The following PPP1R9A variants were observed in gnomAD, a reference collection of about 807,000 sequenced individuals.
PPP1R9A encodes the protein protein phosphatase 1 regulatory subunit 9A.
PPP1R9A carries 59 observed loss-of-function variants against 141.9 expected under a neutral mutation model. The ratio of observed to expected loss-of-function variants is 0.42; its 90% CI spans 0.34 to 0.52. PPP1R9A has a LOEUF of 0.52. PPP1R9A is among the 20% of genes least tolerant of loss of function. PPP1R9A has a pLI of 0.10. For synonymous variants in PPP1R9A, 500 were observed against 569.7 expected (o/e 0.88, Z 1.74); for missense variants, 1,444 against 1,611.9 (o/e 0.90, Z 1.78).
At chr7:95,131,212 G>A (rs1217725352) in intron 4 of PPP1R9A, among the ~76,000 whole-genome samples, 1 of 152,092 alleles carries the variant, frequency 6.6e-6, no homozygotes, top group African/African-American at 2.4e-5. Flanking sequence ...TTCCTGTGCT[G>A]TTGTCGTGAC....
intron 2 of PPP1R9A, among the ~76,000 whole-genome samples, chr7:95,076,131 G>A (rs530378533): frequency 7.2e-5 from 11 of 152,184 alleles, no homozygotes; most frequent in Non-Finnish European, 1.5e-4. Flanking sequence ...TCAAACTCCT[G>A]GGCTGATGTG....
At chr7:95,159,682 G>A (rs1301884444) in intron 4 of PPP1R9A, among the ~76,000 whole-genome samples, 1 of 152,044 alleles carries the variant, frequency 6.6e-6, no homozygotes, top group Non-Finnish European at 1.5e-5. Flanking sequence ...CCAGCATTTT[G>A]GGAGGCCGAG....
chr7:95,285,855 A>AT (rs1178741139), intron 17 of PPP1R9A, among the ~76,000 whole-genome samples: 1 of 152,130 alleles, frequency 6.6e-6, no homozygotes, highest in Non-Finnish European at 1.5e-5. Context: ...ACCATCTTGT[A>AT]TTTTTACTTA....
chr7:95,079,101 A>T (rs1017107922), intron 2 of PPP1R9A, among the ~76,000 whole-genome samples: 5 of 152,100 alleles, frequency 3.3e-5, no homozygotes, highest in African/African-American at 4.8e-5. Context: ...CTTCTAGCGT[A>T]TTTATGGTTT....
In PPP1R9A at chr7:94,911,360, A is replaced by G. The variant is rs887277917; in HGVS notation, c.1247A>G (p.Glu416Gly). 6.2e-7 allele frequency: 1 copy of G among 1,614,142 alleles called. No homozygotes were observed. The highest frequency in any genetic ancestry group is 1.7e-5 in the Admixed American group (1 of 60,014). Residue 416 changes from glutamate (E) to glycine (G), a missense_variant, in exon 2 of 20, where the codon GAG becomes GGG. This residue lies in a region of PPP1R9A where 490 missense variants were observed against 521.1 expected (regional missense o/e 0.94). Coordinates refer to ENST00000433360, the MANE Select transcript of PPP1R9A (RefSeq NM_001166160.2). ...TCCAGGTATAATTCAGACTGGGGAG[A>G]GACAGGCACTGAGCAGGATGAGGAG... Reference protein sequence around the residue: ...VRSRYNSDWGETGTEQDEEED... With the variant: ...VRSRYNSDWGGTGTEQDEEED...
chr7:95,280,587 G>A (rs854536), intron 16 of PPP1R9A, among the ~76,000 whole-genome samples: 97,160 of 152,008 alleles, frequency 0.64, 31,345 homozygotes, highest in Middle Eastern at 0.73. Flanking sequence ...TGGATTATGA[G>A]GACGAATTTG....
At chr7:95,270,553 T>G (rs1802017857) in intron 14 of PPP1R9A, among the ~76,000 whole-genome samples, 1 of 152,138 alleles carries the variant, frequency 6.6e-6, no homozygotes, top group Non-Finnish European at 1.5e-5. Flanking sequence ...AATATCAAAT[T>G]AGAGGAAGTA....
intron 2 of PPP1R9A, among the ~76,000 whole-genome samples, chr7:94,953,588 C>G (rs1449112235): frequency 6.6e-6 from 1 of 151,994 alleles, no homozygotes; most frequent in African/African-American, 2.4e-5. Flanking sequence ...TTCCTGTCCA[C>G]AAGCATGTAA....
chr7:95,089,262 A>G (rs1360954593), intron 2 of PPP1R9A, among the ~76,000 whole-genome samples: 1 of 152,060 alleles, frequency 6.6e-6, no homozygotes, highest in African/African-American at 2.4e-5. Context: ...TTTAATGCAT[A>G]CAATTTATAT....
At chr7:95,191,340 T>C (rs1253134114) in intron 5 of PPP1R9A, among the ~76,000 whole-genome samples, 1 of 152,144 alleles carries the variant, frequency 6.6e-6, no homozygotes, top group Admixed American at 6.5e-5. Flanking sequence ...AGATAAAAAA[T>C]TTTAATTGAC....
intron 7 of PPP1R9A, among the ~76,000 whole-genome samples, chr7:95,207,091 G>A (rs187894530): frequency 4.6e-5 from 7 of 151,824 alleles, no homozygotes; most frequent in Admixed American, 4.6e-4. Context: ...TTCCTTGGGC[G>A]TTCATCTTTA....
chr7:95,272,661 G>T (rs912581641), intron 14 of PPP1R9A, among the ~76,000 whole-genome samples: 7 of 152,114 alleles, frequency 4.6e-5, no homozygotes, highest in African/African-American at 1.7e-4. Context: ...TGAGAGCTTT[G>T]AACCTAGACT....
intron 2 of PPP1R9A, among the ~76,000 whole-genome samples, chr7:95,073,710 G>A (rs1290699829): frequency 2.3e-5 from 3 of 127,822 alleles, no homozygotes; most frequent in Non-Finnish European, 4.7e-5. Context: ...AGAAATTTTA[G>A]ATGCATATAT....
At chr7:95,272,395 T>G (rs942643227) in intron 14 of PPP1R9A, among the ~76,000 whole-genome samples, 8 of 152,214 alleles carry the variant, frequency 5.3e-5, no homozygotes, top group Non-Finnish European at 1.5e-5. Flanking sequence ...TTGTGCCATG[T>G]CTATGTCTAT....
chr7:95,106,482 T>A (rs1438924999), intron 2 of PPP1R9A, among the ~76,000 whole-genome samples: 9 of 152,180 alleles, frequency 5.9e-5, no homozygotes, highest in Non-Finnish European at 5.9e-5. Flanking sequence ...GGGTCTTCCA[T>A]GTCAGTAGAG....
intron 8 of PPP1R9A, among the ~76,000 whole-genome samples, chr7:95,238,677 T>C (rs1414892325): frequency 6.6e-6 from 1 of 152,158 alleles, no homozygotes; most frequent in Non-Finnish European, 1.5e-5. Flanking sequence ...GTTTGCTATG[T>C]TGTACTGCAC....
intron 2 of PPP1R9A, among the ~76,000 whole-genome samples, chr7:94,939,560 A>G (rs904049723): frequency 4.6e-5 from 7 of 152,152 alleles, no homozygotes; most frequent in African/African-American, 1.7e-4. Context: ...TGAGTTGCTG[A>G]GTATTCCAGT....
chr7:95,256,897 A>T (rs12535405), intron 12 of PPP1R9A, among the ~76,000 whole-genome samples: 21,805 of 152,106 alleles, frequency 0.14, 1,769 homozygotes, highest in Admixed American at 0.21. Context: ...TTAACAAAAG[A>T]TCTCAAGACC....
intron 1 of PPP1R9A, 81 bp from the exon 2 acceptor site, chr7:94,909,817 G>GAA: frequency 4.8e-6 from 1 of 209,860 alleles, no homozygotes; most frequent in Non-Finnish European, 9.4e-6. Flanking sequence ...AAGCCATTTG[G>GAA]AAAAAAAAAT....
Sources: allele counts gnomAD v4.1 joint callset (sites outside exome capture counted in the v4.1 genomes callset), GRCh38; gene constraint gnomAD v4.1.1; regional missense constraint gnomAD v4.1.1; transcripts MANE v1.5; gene names NCBI Gene and HGNC (gene_info 2026-07-23, HGNC 2026-07-21).